Variants in ROBO1 observed in about 807,000 individuals in gnomAD.
ROBO1 encodes the protein roundabout homolog 1.
In ROBO1, 149 loss-of-function variants were observed where a neutral mutation model predicts 195.9. The observed-to-expected ratio is 0.76, with a 90% CI of 0.67 to 0.87. The LOEUF is 0.87. Among genes scored for constraint, ROBO1 ranks in the 40% least tolerant of loss-of-function variants. The pLI is 0.00. For synonymous variants in ROBO1, 816 were observed against 733.2 expected (o/e 1.11, Z -1.82); for missense variants, 1,933 against 2,068.3 (o/e 0.93, Z 1.27).
In ROBO1 at chr3:79,042,007, C is replaced by T. The variant is rs577707991; in HGVS notation, c.172+83449G>A. 2.6e-5 allele frequency among the ~76,000 whole-genome samples: 4 copies of T among 152,174 alleles called. No individual in the cohort carries two copies. In the East Asian group the frequency reaches 7.7e-4, roughly 29 times the overall value. On this transcript the variant is annotated intron_variant, in intron 3 of 30. Coordinates refer to ENST00000464233, the MANE Select transcript of ROBO1 (RefSeq NM_002941.4). The stretch of plus-strand genomic sequence containing the variant: ...TTTCCCTTGGCTCTGTTTGGTAACA[C>T]CCAAGGGAGGCAACATTCAGAGCAC...
intron 4 of ROBO1, among the ~76,000 whole-genome samples, chr3:78,930,070 A>G (rs913599217): frequency 1.3e-5 from 2 of 152,126 alleles, no homozygotes; most frequent in Non-Finnish European, 2.9e-5. Flanking sequence ...AAAACCTCCT[A>G]AGGAAATAGT....
chr3:79,013,843 G>A (rs1015877500), intron 3 of ROBO1, among the ~76,000 whole-genome samples: 1 of 152,146 alleles, frequency 6.6e-6, no homozygotes, highest in African/African-American at 2.4e-5. Flanking sequence ...AGTAAAAGTA[G>A]CCATTTTCAT....
chr3:78,617,840 A>G lies in ROBO1; in HGVS notation c.4077T>C (p.Val1359=). 1 of 1,613,944 alleles carries G rather than the reference A, an allele frequency of 6.2e-7. No individual in the cohort carries two copies. The highest frequency in any genetic ancestry group is 8.5e-7 in the Non-Finnish European group (1 of 1,179,876). The change falls in exon 27 of 31, where the codon GTT becomes GTC. Residue 1359 remains valine (V), a synonymous_variant. Transcript: ENST00000464233. The part of the protein sequence containing the change: ...RGLEQTPASS[V]GDLESSVTGS... Reference sequence around the variant, plus strand: ...CCGTGACAGAGCTCTCCAGGTCCCCAACACTGGAGGCAGGTGTCTGCTCAA... The same window carrying G: ...CCGTGACAGAGCTCTCCAGGTCCCCGACACTGGAGGCAGGTGTCTGCTCAA...
intron 2 of ROBO1, among the ~76,000 whole-genome samples, chr3:79,176,764 G>T: frequency 6.6e-6 from 1 of 152,166 alleles, no homozygotes; most frequent in Non-Finnish European, 1.5e-5. Flanking sequence ...CTAGCCTGAA[G>T]ATTATTATTT....
At chr3:79,472,818 A>T (rs1938353097) in intron 2 of ROBO1, among the ~76,000 whole-genome samples, 1 of 152,128 alleles carries the variant, frequency 6.6e-6, no homozygotes, top group Non-Finnish European at 1.5e-5. Context: ...AAGGAATATT[A>T]TAATAATTAA....
rs1047797873 is a variant in ROBO1 at position 79,469,866 on chromosome 3, C to T, written c.88+119958G>A. Among the ~76,000 whole-genome samples, 8 of 152,140 alleles carry T rather than the reference C, an allele frequency of 5.3e-5. No individual in the cohort carries two copies. In the East Asian group the frequency reaches 1.5e-3, roughly 29 times the overall value. ...CAGGTTAAAAAAAAAGTGTCAGTAC[C>T]AGGATCGAAGCCAACTATTGGTCAT... On this transcript the variant is annotated intron_variant, in intron 2 of 30. Transcript: ENST00000464233.
At chr3:79,019,424 T>C in intron 3 of ROBO1, 8 of 986,096 alleles carry the variant, frequency 8.1e-6, no homozygotes, top group Non-Finnish European at 9.6e-6. Context: ...GCGTCTGAAG[T>C]TTCTGCTCTC....
chr3:79,209,592 G>A (rs2081935226), intron 2 of ROBO1, among the ~76,000 whole-genome samples: 1 of 152,052 alleles, frequency 6.6e-6, no homozygotes, highest in Non-Finnish European at 1.5e-5. Flanking sequence ...GTTTTCCATA[G>A]TGGTTGTACT....
chr3:78,656,874 T>C (rs1476573113), intron 18 of ROBO1, among the ~76,000 whole-genome samples: 2 of 152,226 alleles, frequency 1.3e-5, no homozygotes, highest in African/African-American at 2.4e-5. Context: ...GATATCTACG[T>C]CCATATATCT....
intron 3 of ROBO1, among the ~76,000 whole-genome samples, chr3:79,100,058 A>G (rs186221086): frequency 1.9e-3 from 295 of 151,880 alleles, no homozygotes; most frequent in Non-Finnish European, 2.8e-3. Context: ...TAAGGAGGTA[A>G]CAAATATATG....
At chr3:79,759,247 T>C (rs1704566917) in intron 1 of ROBO1, among the ~76,000 whole-genome samples, 1 of 152,240 alleles carries the variant, frequency 6.6e-6, no homozygotes, top group Non-Finnish European at 1.5e-5. Context: ...TAAAATTTAA[T>C]ATAATATATA....
At chr3:79,519,977 G>A (rs1001174012) in intron 2 of ROBO1, among the ~76,000 whole-genome samples, 1 of 151,916 alleles carries the variant, frequency 6.6e-6, no homozygotes, top group African/African-American at 2.4e-5. Context: ...TGGGCAATAG[G>A]AAAAGCCCCG....
At chr3:79,023,344 G>A (rs1364990904) in intron 3 of ROBO1, among the ~76,000 whole-genome samples, 1 of 152,130 alleles carries the variant, frequency 6.6e-6, no homozygotes, top group Non-Finnish European at 1.5e-5. Context: ...CCTAAGTTTG[G>A]ATATGTAAGA....
chr3:79,133,936 C>A (rs1200173080), intron 2 of ROBO1, among the ~76,000 whole-genome samples: 1 of 151,976 alleles, frequency 6.6e-6, no homozygotes, highest in East Asian at 1.9e-4. Flanking sequence ...TGTTGGAATA[C>A]CCTGCCGTGT....
intron 2 of ROBO1, among the ~76,000 whole-genome samples, chr3:79,232,575 T>A (rs1243650609): frequency 1.3e-5 from 2 of 151,872 alleles, no homozygotes; most frequent in African/African-American, 4.8e-5. Context: ...AGTACCCAAC[T>A]CTAAACATTC....
intron 2 of ROBO1, among the ~76,000 whole-genome samples, chr3:79,464,150 A>G (rs949288517): frequency 6.6e-6 from 1 of 152,210 alleles, no homozygotes; most frequent in African/African-American, 2.4e-5. Flanking sequence ...CAGTATACAT[A>G]TATATTTGTC....
intron 2 of ROBO1, among the ~76,000 whole-genome samples, chr3:79,363,474 A>G (rs1303857625): frequency 6.6e-6 from 1 of 152,228 alleles, no homozygotes; most frequent in Non-Finnish European, 1.5e-5. Context: ...ATTTTTACAT[A>G]GACTATCCTT....
At chr3:78,731,106 TAA>T (rs920774594) in intron 5 of ROBO1, among the ~76,000 whole-genome samples, 2 of 152,148 alleles carry the variant, frequency 1.3e-5, no homozygotes, top group African/African-American at 2.4e-5. Context: ...ATGATCTGTG[TAA>T]AGAGTATTGT....
chr3:79,356,845 C>G (rs1198458549), intron 2 of ROBO1, among the ~76,000 whole-genome samples: 1 of 152,120 alleles, frequency 6.6e-6, no homozygotes, highest in African/African-American at 2.4e-5. Flanking sequence ...AACTAGGAAA[C>G]TAGAATTTCC....
Sources: gnomAD v4.1 joint callset for allele counts (sites outside exome capture counted in the v4.1 genomes callset) on GRCh38, gnomAD v4.1.1 for gene constraint, MANE v1.5 for transcripts, NCBI Gene and HGNC (gene_info 2026-07-23, HGNC 2026-07-21) for gene names.